Variants in PCDH15 observed in about 807,000 individuals in gnomAD.
The protein encoded by PCDH15 is protocadherin-15.
A neutral mutation model predicts 178.5 loss-of-function variants in PCDH15; 129 were observed. The observed-to-expected ratio is 0.72, with a 90% CI of 0.63 to 0.84. The LOEUF is 0.84. Among genes scored for constraint, PCDH15 ranks in the 40% least tolerant of loss-of-function variants. The probability of loss-of-function intolerance (pLI) is 0.00; values close to 1 mark genes in which losing one functional copy is unlikely to be tolerated. For synonymous variants in PCDH15, 800 were observed against 732.0 expected (o/e 1.09, Z -1.50); for missense variants, 2,230 against 2,099.9 (o/e 1.06, Z -1.21).
chr10:54,134,414 T>C (rs1231241566), intron 14 of PCDH15, among the ~76,000 whole-genome samples: 2 of 152,102 alleles, frequency 1.3e-5, no homozygotes, highest in Admixed American at 1.3e-4. Context: ...CCAAAAATAT[T>C]TGTCTGAGTT....
chr10:55,356,758 T>C (rs1015451439), intron 2 of PCDH15, among the ~76,000 whole-genome samples: 9 of 151,978 alleles, frequency 5.9e-5, no homozygotes, highest in Non-Finnish European at 1.2e-4. Flanking sequence ...ACTATATTTA[T>C]TTTTCAGATG....
chr10:54,069,882 A>T (rs1234668675), intron 17 of PCDH15, among the ~76,000 whole-genome samples: 1 of 152,162 alleles, frequency 6.6e-6, no homozygotes, highest in Non-Finnish European at 1.5e-5. Flanking sequence ...TGTCATTAAC[A>T]CATGTTCACA....
At chr10:54,043,365 A>G (rs965887150) in intron 18 of PCDH15, among the ~76,000 whole-genome samples, 1 of 134,150 alleles carries the variant, frequency 7.5e-6, no homozygotes, top group Admixed American at 7.9e-5. Flanking sequence ...AGATGTAATT[A>G]CAACCTGCTC....
At chr10:54,442,417 TATATATATA>T (rs1565287693) in intron 3 of PCDH15, among the ~76,000 whole-genome samples, 1,325 of 60,716 alleles carry the variant, frequency 0.022, 143 homozygotes, top group African/African-American at 0.056. Context: ...TTAAAGGCTA[TATATATATA>T]TATATATATA....
intron 1 of PCDH15, among the ~76,000 whole-genome samples, chr10:54,763,268 C>T (rs1948106211): frequency 1.3e-5 from 2 of 152,066 alleles, no homozygotes; most frequent in Non-Finnish European, 2.9e-5. Flanking sequence ...AGGTGGAAAA[C>T]AGTGAGATGT....
intron 2 of PCDH15, among the ~76,000 whole-genome samples, chr10:54,986,294 C>T (rs956675632): frequency 6.6e-6 from 1 of 150,896 alleles, no homozygotes; most frequent in South Asian, 2.1e-4. Context: ...CATGTAGGTA[C>T]CAAGCAAGAG....
chr10:53,938,862 G>T lies in PCDH15; in HGVS notation c.3326C>A (p.Ala1109Asp), dbSNP rs1369127441. The T allele has an allele frequency of 6.2e-7, 1 of 1,613,570 alleles. No homozygotes were observed. The highest frequency in any genetic ancestry group is 1.7e-5 in the Admixed American group (1 of 59,984). Residue 1109 changes from alanine to aspartate, a missense_variant, in exon 25 of 38, where the codon GCT (alanine) becomes GAT (aspartate). Ala to Asp is a moderately radical substitution (Grantham distance 126). Coordinates refer to ENST00000644397, the MANE Select transcript of PCDH15 (RefSeq NM_001384140.1). The part of the protein sequence containing the change: ...TRTSYVLRVQ[A>D]DSLEVVLANL... ...GGCAAGGACCACTTCCAGGGAATCAGCTTGGACTCGAAGTACATAGCTTGT... is the reference window on the plus strand; with the variant it reads ...GGCAAGGACCACTTCCAGGGAATCATCTTGGACTCGAAGTACATAGCTTGT...
At chr10:54,698,549 C>T (rs2095265851) in intron 1 of PCDH15, among the ~76,000 whole-genome samples, 1 of 152,124 alleles carries the variant, frequency 6.6e-6, no homozygotes, top group Non-Finnish European at 1.5e-5. Context: ...TGTGGTAGTG[C>T]AAAGATCTGC....
intron 3 of PCDH15, among the ~76,000 whole-genome samples, chr10:54,387,168 T>C (rs901992137): frequency 6.6e-6 from 1 of 152,182 alleles, no homozygotes; most frequent in African/African-American, 2.4e-5. Context: ...GGAAAACAAA[T>C]GTTTCCTCAA....
At chr10:55,583,967 T>A (rs1390264899) in intron 2 of PCDH15, among the ~76,000 whole-genome samples, 1 of 151,974 alleles carries the variant, frequency 6.6e-6, no homozygotes, top group Non-Finnish European at 1.5e-5. Flanking sequence ...AGCCTCCACC[T>A]CCCAGGCTGA....
chr10:54,565,866 C>CT (rs748355862), intron 2 of PCDH15, among the ~76,000 whole-genome samples: 1 of 151,552 alleles, frequency 6.6e-6, no homozygotes, highest in Non-Finnish European at 1.5e-5. Flanking sequence ...AGGTGGATCA[C>CT]TTGAGGTTGG....
At chr10:55,417,967 A>C (rs748015167) in intron 2 of PCDH15, among the ~76,000 whole-genome samples, 2 of 151,738 alleles carry the variant, frequency 1.3e-5, no homozygotes, top group Non-Finnish European at 3.0e-5. Flanking sequence ...CATTGTGCAT[A>C]TATAAAGAAA....
At chr10:54,150,358 T>TC (rs918021626) in intron 14 of PCDH15, among the ~76,000 whole-genome samples, 2 of 152,018 alleles carry the variant, frequency 1.3e-5, no homozygotes, top group African/African-American at 4.8e-5. Flanking sequence ...TTAGTTACAG[T>TC]CCATCAAGTT....
At chr10:55,476,663 A>G (rs1840068339) in intron 2 of PCDH15, among the ~76,000 whole-genome samples, 1 of 152,026 alleles carries the variant, frequency 6.6e-6, no homozygotes, top group Non-Finnish European at 1.5e-5. Flanking sequence ...GTGGATTGAT[A>G]TATTGTTTGG....
intron 26 of PCDH15, among the ~76,000 whole-genome samples, chr10:53,878,346 AT>A (rs1300924488): frequency 4.9e-5 from 7 of 142,108 alleles, no homozygotes; most frequent in African/African-American, 1.6e-4. Context: ...TCTATATATA[AT>A]AGACTATATA....
At chr10:55,273,278 A>T (rs1842495684) in intron 1 of PCDH15, among the ~76,000 whole-genome samples, 1 of 152,152 alleles carries the variant, frequency 6.6e-6, no homozygotes, top group Admixed American at 6.5e-5. Context: ...ATTCTGGGTA[A>T]TATGATTCCA....
chr10:55,608,924 T>C (rs1311451328), intron 2 of PCDH15, among the ~76,000 whole-genome samples: 1 of 151,730 alleles, frequency 6.6e-6, no homozygotes, highest in East Asian at 1.9e-4. Flanking sequence ...ATAAAACAAA[T>C]GTAAGTTTCA....
At chr10:54,694,887 G>A (rs1170117837) in intron 1 of PCDH15, among the ~76,000 whole-genome samples, 1 of 152,038 alleles carries the variant, frequency 6.6e-6, no homozygotes, top group Non-Finnish European at 1.5e-5. Flanking sequence ...AAATAAATAA[G>A]CTTAGTGAGA....
intron 3 of PCDH15, among the ~76,000 whole-genome samples, chr10:54,412,109 T>TGAGGAACTGACAATAGATG (rs1332241659): frequency 3.3e-5 from 5 of 152,028 alleles, no homozygotes; most frequent in Admixed American, 1.3e-4. Flanking sequence ...CAAAAGAGCC[T>TGAGGAACTGACAATAGATG]GAGGAACTGA....
Sources: allele counts gnomAD v4.1 joint callset (sites outside exome capture counted in the v4.1 genomes callset), GRCh38; gene constraint gnomAD v4.1.1; transcripts MANE v1.5; gene names NCBI Gene and HGNC (gene_info 2026-07-23, HGNC 2026-07-21).